RSF1: variants seen among roughly 807,000 people sequenced by gnomAD.
RSF1 encodes remodeling and spacing factor 1, also known as HBV pX-associated protein 8.
A neutral mutation model predicts 145.2 loss-of-function variants in RSF1; 13 were observed. The observed-to-expected ratio is 0.09, with a 90% CI of 0.06 to 0.14. The LOEUF (loss-of-function observed/expected upper bound fraction) is 0.14, where lower values mean the gene tolerates loss of function less well. RSF1 is among the 10% of genes least tolerant of loss of function. RSF1 has a pLI of 1.00. For synonymous variants in RSF1, 577 were observed against 592.6 expected (o/e 0.97, Z 0.38); for missense variants, 1,517 against 1,718.2 (o/e 0.88, Z 2.07).
chr11:77,680,372 C>T (rs146750427), intron 11 of RSF1, among the ~76,000 whole-genome samples: 6 of 152,080 alleles, frequency 3.9e-5, no homozygotes, highest in Admixed American at 1.3e-4. Context: ...GATAGGAGTT[C>T]GAGGCCGCAG....
At chr11:77,667,702 A>G (rs777757281) in intron 15 of RSF1, among the ~76,000 whole-genome samples, 1 of 151,890 alleles carries the variant, frequency 6.6e-6, no homozygotes, top group Non-Finnish European at 1.5e-5. Flanking sequence ...ATTTTAGACA[A>G]TATTTTCTTT....
chr11:77,854,238 C>T, the RSF1 span, among the ~76,000 whole-genome samples: 196 of 152,140 alleles, frequency 1.3e-3, no homozygotes, highest in African/African-American at 4.4e-3. Context: ...ATGATCCACC[C>T]GTCTCAGCCT....
At position 77,709,694 on chromosome 11, in the gene RSF1, C is replaced by CT. The variant is rs60236346; in HGVS notation, c.734-7200dup. 3.1e-4 allele frequency among the ~76,000 whole-genome samples: 47 copies of CT among 150,148 alleles called. No individual in the cohort carries two copies. In the South Asian group the frequency reaches 4.0e-3, roughly 13 times the overall value. ...AAAGGGATCTGAATTTGTGCCAATT[C>CT]TTTTTTTTTTAAATGTTTTTTTATT... On this transcript the variant is annotated intron_variant, in intron 5 of 15. Coordinates refer to ENST00000308488, the MANE Select transcript of RSF1 (RefSeq NM_016578.4).
At chr11:77,683,680 T>A in intron 11 of RSF1, 30 bp downstream of exon 11, 1 of 1,456,092 alleles carries the variant, frequency 6.9e-7, no homozygotes, top group South Asian at 1.2e-5. Flanking sequence ...AAATCCTCTT[T>A]TGCTGTAGAC....
chr11:77,741,733 T>A (rs1241546922), intron 3 of RSF1, among the ~76,000 whole-genome samples: 2 of 152,120 alleles, frequency 1.3e-5, no homozygotes, highest in Middle Eastern at 3.2e-3. Context: ...TCTTAGCAAT[T>A]TTCAAATATA....
Position 77,813,517 on chromosome 11 carries a change from C to T in RSF1, c.187+7011G>A, listed in dbSNP as rs530171782. 2.9e-4 allele frequency: 229 copies of T among 787,724 alleles called. 1 individual carries two copies. The South Asian group carries it at 2.9e-3, about 10-fold the overall frequency. 48.8% of individuals were successfully genotyped at this position (787,724 alleles called of 1,614,324 possible). A position where few individuals can be genotyped will look rare whatever the true frequency, so the allele number is the denominator to read the frequency against. ...CTCAAAGTCTTGGTAGGTATTCGAACTGGTCCTTTCACTTGGAGATTCTTT... is the reference window on the plus strand; with the variant it reads ...CTCAAAGTCTTGGTAGGTATTCGAATTGGTCCTTTCACTTGGAGATTCTTT... On this transcript the variant is annotated intron_variant, in intron 1 of 15. Transcript: ENST00000308488.
Position 77,660,684 on chromosome 11 carries a change from C to G in RSF1, c.*6233G>C, listed in dbSNP as rs990105323. 6.6e-6 allele frequency: 1 copy of G among 152,078 alleles called. No individual in the cohort carries two copies. 9.4% of individuals were successfully genotyped at this position (152,078 alleles called of 1,614,324 possible). A position where few individuals can be genotyped will look rare whatever the true frequency, so the allele number is the denominator to read the frequency against. On this transcript the variant is annotated 3_prime_UTR_variant, in exon 16 of 16. Coordinates refer to ENST00000308488, the MANE Select transcript of RSF1 (RefSeq NM_016578.4). ...ATCAGTCCCTGAATTCCAGCTATTA[C>G]TTTAAATCAAAATTCTAAAGATACC...
At chr11:77,805,502 A>AT (rs1431477323) in intron 1 of RSF1, among the ~76,000 whole-genome samples, 1 of 152,176 alleles carries the variant, frequency 6.6e-6, no homozygotes, top group Non-Finnish European at 1.5e-5. Flanking sequence ...AACTTTACCT[A>AT]TAAGACAAAA....
the RSF1 span, among the ~76,000 whole-genome samples, chr11:77,865,590 G>A: frequency 6.6e-6 from 1 of 152,210 alleles, no homozygotes; most frequent in Admixed American, 6.6e-5. Flanking sequence ...TACAGAAAAC[G>A]GAGTGTCTAG....
At chr11:77,817,090 G>A (rs1948788765) in intron 1 of RSF1, among the ~76,000 whole-genome samples, 1 of 152,120 alleles carries the variant, frequency 6.6e-6, no homozygotes, top group African/African-American at 2.4e-5. Flanking sequence ...ATAGTTTCTA[G>A]AGCAAAGGTT....
the RSF1 span, among the ~76,000 whole-genome samples, chr11:77,848,580 G>C: frequency 6.6e-6 from 1 of 152,048 alleles, no homozygotes; most frequent in Non-Finnish European, 1.5e-5. Flanking sequence ...GGTTGGTCTC[G>C]AACGCCTGAC....
chr11:77,748,216 CTT>C (rs372130350), intron 2 of RSF1, among the ~76,000 whole-genome samples: 162 of 141,630 alleles, frequency 1.1e-3, no homozygotes, highest in Admixed American at 3.7e-3. Context: ...AATAGAGGAT[CTT>C]TTTTTTTTTT....
chr11:77,854,875 C>A, the RSF1 span, among the ~76,000 whole-genome samples: 1 of 152,232 alleles, frequency 6.6e-6, no homozygotes, highest in Non-Finnish European at 1.5e-5. Flanking sequence ...GGGCTACGCA[C>A]CCCCAGCAGA....
chr11:77,783,354 T>C (rs1299016512), intron 1 of RSF1, among the ~76,000 whole-genome samples: 3 of 152,246 alleles, frequency 2.0e-5, no homozygotes, highest in African/African-American at 7.2e-5. Context: ...ATTTATCCTT[T>C]CTTCCACTTG....
intron 1 of RSF1, among the ~76,000 whole-genome samples, chr11:77,799,213 A>G (rs946241984): frequency 6.6e-6 from 1 of 152,066 alleles, no homozygotes; most frequent in African/African-American, 2.4e-5. Context: ...AATAAATTCC[A>G]TTAGAAAATG....
the RSF1 span, among the ~76,000 whole-genome samples, chr11:77,838,456 A>G: frequency 6.6e-6 from 1 of 152,116 alleles, no homozygotes; most frequent in African/African-American, 2.4e-5. Flanking sequence ...CAGTACCATA[A>G]CAACTCTTGC....
chr11:77,815,385 AAAAC>A, intron 1 of RSF1, among the ~76,000 whole-genome samples: 1 of 152,362 alleles, frequency 6.6e-6, no homozygotes, highest in Non-Finnish European at 1.5e-5. Context: ...ATAAAAACAG[AAAAC>A]AAACAAAAAA....
the RSF1 span, among the ~76,000 whole-genome samples, chr11:77,858,701 T>C: frequency 2.6e-5 from 4 of 152,110 alleles, no homozygotes; most frequent in Admixed American, 6.5e-5. Flanking sequence ...TTCTGCTGAA[T>C]TGGGGCATAG....
At chr11:77,806,133 A>T (rs1948674842) in intron 1 of RSF1, among the ~76,000 whole-genome samples, 1 of 151,534 alleles carries the variant, frequency 6.6e-6, no homozygotes, top group Non-Finnish European at 1.5e-5. Context: ...CCTTTCCAAC[A>T]CCCCAAAAGA....
Sources: allele counts gnomAD v4.1 joint callset (sites outside exome capture counted in the v4.1 genomes callset), GRCh38; gene constraint gnomAD v4.1.1; transcripts MANE v1.5; gene names NCBI Gene and HGNC (gene_info 2026-07-23, HGNC 2026-07-21).